The following IMMP2L variants were observed in gnomAD, a reference collection of about 807,000 sequenced individuals.
IMMP2L encodes mitochondrial inner membrane protease subunit 2.
Under a neutral mutation model 19.3 loss-of-function variants are expected in IMMP2L, and 18 were observed. That is an observed-to-expected ratio of 0.93 (90% CI 0.64 to 1.38). The LOEUF (loss-of-function observed/expected upper bound fraction) is 1.38. Among genes scored for constraint, IMMP2L ranks in the 40% most tolerant of loss-of-function variants. The pLI is 0.00. For synonymous variants in IMMP2L, 76 were observed against 73.0 expected (o/e 1.04, Z -0.21); for missense variants, 233 against 218.2 (o/e 1.07, Z -0.43).
chr7:110,999,981 C>A (rs777868220), intron 3 of IMMP2L, among the ~76,000 whole-genome samples: 1 of 152,162 alleles, frequency 6.6e-6, no homozygotes. Context: ...GAGCTCTACT[C>A]CCTTTTCTCT....
At chr7:111,220,543 T>A (rs1812397695) in intron 3 of IMMP2L, among the ~76,000 whole-genome samples, 1 of 151,912 alleles carries the variant, frequency 6.6e-6, no homozygotes, top group African/African-American at 2.4e-5. Context: ...GATAAAAAGT[T>A]TTCTGTATTA....
intron 5 of IMMP2L, among the ~76,000 whole-genome samples, chr7:110,747,944 G>C (rs1797466439): frequency 1.3e-5 from 2 of 152,170 alleles, no homozygotes; most frequent in Admixed American, 1.3e-4. Flanking sequence ...ATTAGGAAAA[G>C]AGGAAGTCAA....
chr7:110,801,161 C>G (rs1380657074), intron 5 of IMMP2L, among the ~76,000 whole-genome samples: 1 of 152,060 alleles, frequency 6.6e-6, no homozygotes, highest in Non-Finnish European at 1.5e-5. Flanking sequence ...TCAGTTTCCA[C>G]CAGCTTTCTA....
At chr7:111,502,536 C>T (rs1262750429) in intron 2 of IMMP2L, among the ~76,000 whole-genome samples, 3 of 152,026 alleles carry the variant, frequency 2.0e-5, no homozygotes, top group Admixed American at 2.0e-4. Flanking sequence ...CAGCACCACA[C>T]CACACCTATT....
chr7:111,342,904 C>T (rs1177564747), intron 3 of IMMP2L, among the ~76,000 whole-genome samples: 1 of 151,816 alleles, frequency 6.6e-6, no homozygotes, highest in Non-Finnish European at 1.5e-5. Flanking sequence ...TATGCAAAAC[C>T]CCAGCAAACT....
At chr7:111,028,248 T>A (rs1369741066) in intron 3 of IMMP2L, among the ~76,000 whole-genome samples, 2 of 152,160 alleles carry the variant, frequency 1.3e-5, no homozygotes, top group Admixed American at 1.3e-4. Context: ...ACAAGTCTAA[T>A]AACCATTAAC....
At chr7:111,174,964 C>T (rs1461770089) in intron 3 of IMMP2L, among the ~76,000 whole-genome samples, 1 of 151,736 alleles carries the variant, frequency 6.6e-6, no homozygotes, top group Non-Finnish European at 1.5e-5. Flanking sequence ...ACAATATGCA[C>T]TTAATAATTT....
chr7:110,796,582 T>C (rs67082610), intron 5 of IMMP2L, among the ~76,000 whole-genome samples: 52,967 of 151,902 alleles, frequency 0.35, 11,321 homozygotes, highest in East Asian at 0.7. Flanking sequence ...TTCTTTCAAA[T>C]ACTAAGAATA....
intron 3 of IMMP2L, among the ~76,000 whole-genome samples, chr7:111,269,761 A>G (rs541012709): frequency 6.6e-6 from 1 of 152,274 alleles, no homozygotes; most frequent in South Asian, 2.1e-4. Flanking sequence ...TATCCTATCT[A>G]AAAGAAGACC....
chr7:110,685,515 T>C (rs1793051104), intron 5 of IMMP2L, among the ~76,000 whole-genome samples: 1 of 152,182 alleles, frequency 6.6e-6, no homozygotes, highest in South Asian at 2.1e-4. Flanking sequence ...AGCTGCATTA[T>C]ATCATATCCC....
At chr7:111,345,494 G>A (rs1827448036) in intron 3 of IMMP2L, among the ~76,000 whole-genome samples, 1 of 152,110 alleles carries the variant, frequency 6.6e-6, no homozygotes, top group South Asian at 2.1e-4. Context: ...TGCAAATACA[G>A]AAGAAGAAAT....
At chr7:111,422,445 G>T (rs1193326025) in intron 3 of IMMP2L, among the ~76,000 whole-genome samples, 1 of 151,682 alleles carries the variant, frequency 6.6e-6, no homozygotes, top group African/African-American at 2.4e-5. Flanking sequence ...ACATCCCTTG[G>T]AAGTTGGATT....
intron 4 of IMMP2L, among the ~76,000 whole-genome samples, chr7:110,947,027 A>T (rs1332417063): frequency 6.6e-6 from 1 of 152,080 alleles, no homozygotes; most frequent in Non-Finnish European, 1.5e-5. Context: ...GCCTAATACC[A>T]TTTTTTAAAA....
intron 3 of IMMP2L, among the ~76,000 whole-genome samples, chr7:111,361,428 T>C (rs2130994017): frequency 6.6e-6 from 1 of 152,268 alleles, no homozygotes; most frequent in East Asian, 1.9e-4. Flanking sequence ...AATTCAATTA[T>C]CTGGGAGTAT....
At chr7:110,768,092 G>T (rs910133602) in intron 5 of IMMP2L, among the ~76,000 whole-genome samples, 2 of 152,104 alleles carry the variant, frequency 1.3e-5, no homozygotes, top group Non-Finnish European at 2.9e-5. Context: ...ACTAATAGGT[G>T]CTGTAACTAA....
chr7:110,840,396 C>T (rs1347344846), intron 5 of IMMP2L, among the ~76,000 whole-genome samples: 1 of 152,064 alleles, frequency 6.6e-6, no homozygotes, highest in East Asian at 1.9e-4. Flanking sequence ...TATTAAGGCT[C>T]TATAACATAT....
intron 3 of IMMP2L, among the ~76,000 whole-genome samples, chr7:111,088,592 G>C (rs1399604865): frequency 6.6e-6 from 1 of 152,116 alleles, no homozygotes; most frequent in African/African-American, 2.4e-5. Context: ...TGGAATACCT[G>C]AGGGGCTCTA....
At chr7:111,223,340 A>G (rs1483622653) in intron 3 of IMMP2L, among the ~76,000 whole-genome samples, 1 of 151,258 alleles carries the variant, frequency 6.6e-6, no homozygotes, top group Non-Finnish European at 1.5e-5. Context: ...AAACATGGAT[A>G]TATGTTATTA....
chr7:111,294,209 C>T (rs764691477), intron 3 of IMMP2L, among the ~76,000 whole-genome samples: 10 of 151,810 alleles, frequency 6.6e-5, no homozygotes, highest in Non-Finnish European at 1.3e-4. Flanking sequence ...AAAATCAGAA[C>T]AAGAGCCCAG....
Sources: gnomAD v4.1 joint callset for allele counts (sites outside exome capture counted in the v4.1 genomes callset) on GRCh38, gnomAD v4.1.1 for gene constraint, MANE v1.5 for transcripts, NCBI Gene and HGNC (gene_info 2026-07-23, HGNC 2026-07-21) for gene names.